Variants in CPEB3 observed in about 807,000 individuals in gnomAD.
The protein encoded by CPEB3 is cytoplasmic polyadenylation element binding protein 3, also known as cytoplasmic polyadenylation element-binding protein 3.
In CPEB3, 20 loss-of-function variants were observed where a neutral mutation model predicts 67.2. The observed-to-expected ratio is 0.30, with a 90% CI of 0.21 to 0.43. The LOEUF (loss-of-function observed/expected upper bound fraction) is 0.43. Ranked by LOEUF, CPEB3 falls within the 20% of genes least tolerant of loss-of-function variation. The pLI is 1.00. For missense variants in CPEB3, 746 were observed against 968.6 expected (o/e 0.77, Z 3.05); for synonymous variants, 376 against 393.1 (o/e 0.96, Z 0.51).
intron 3 of CPEB3, among the ~76,000 whole-genome samples, chr10:92,183,514 A>C (rs1483141903): frequency 1.3e-5 from 2 of 152,190 alleles, no homozygotes; most frequent in African/African-American, 2.4e-5. Flanking sequence ...TTGGATAATC[A>C]AGACCTTATT....
intron 6 of CPEB3, among the ~76,000 whole-genome samples, chr10:92,128,231 G>T (rs1267447512): frequency 6.6e-6 from 1 of 152,196 alleles, no homozygotes. Context: ...CCCTTCAGAA[G>T]TATCCAATCT....
intron 9 of CPEB3, among the ~76,000 whole-genome samples, chr10:92,061,969 C>A (rs781573411): frequency 6.6e-6 from 1 of 152,096 alleles, no homozygotes; most frequent in Non-Finnish European, 1.5e-5. Flanking sequence ...TGGCTTGGCA[C>A]AGTGGTGCAC....
At chr10:92,170,562 C>T (rs1847952865) in intron 4 of CPEB3, among the ~76,000 whole-genome samples, 1 of 151,822 alleles carries the variant, frequency 6.6e-6, no homozygotes, top group Admixed American at 6.6e-5. Context: ...TTAATAACCA[C>T]CTTGCTTTTA....
At chr10:92,067,942 AG>A (rs1344888170) in intron 9 of CPEB3, among the ~76,000 whole-genome samples, 1 of 152,254 alleles carries the variant, frequency 6.6e-6, no homozygotes, top group African/African-American at 2.4e-5. Context: ...AATCTAGGGT[AG>A]ATTTTTAAAA....
intron 4 of CPEB3, among the ~76,000 whole-genome samples, chr10:92,148,382 A>G (rs549773915): frequency 1.5e-4 from 23 of 152,180 alleles, no homozygotes; most frequent in Non-Finnish European, 3.2e-4. Context: ...TTTCCTAATT[A>G]ATTCCTATTA....
At position 92,231,229 on chromosome 10, in the gene CPEB3, C is replaced by A. The variant is rs533293768; in HGVS notation, c.1005+8117G>T. 4.6e-5 allele frequency among the ~76,000 whole-genome samples: 7 copies of A among 152,270 alleles called. No individual in the cohort carries two copies. In the East Asian group the frequency reaches 1.3e-3, roughly 29 times the overall value. On this transcript the variant is annotated intron_variant, in intron 2 of 9. Coordinates refer to ENST00000265997, the MANE Select transcript of CPEB3 (RefSeq NM_014912.5). Reference sequence around the variant, plus strand: ...TAGAATAGGCAGTCACCCTAATATACAAAGTGCCTTTTGATGTTCTTCCAT... The same window carrying A: ...TAGAATAGGCAGTCACCCTAATATAAAAAGTGCCTTTTGATGTTCTTCCAT...
chr10:92,130,498 C>T (rs1292875355), intron 6 of CPEB3, among the ~76,000 whole-genome samples: 1 of 151,996 alleles, frequency 6.6e-6, no homozygotes, highest in Non-Finnish European at 1.5e-5. Context: ...CAAACTGATC[C>T]ATAAGGCTCT....
intron 1 of CPEB3, among the ~76,000 whole-genome samples, chr10:92,270,459 C>T (rs756620771): frequency 5.3e-5 from 8 of 151,632 alleles, no homozygotes; most frequent in Non-Finnish European, 8.8e-5. Context: ...GGTGCTAGAA[C>T]TCAGAGTTCA....
At position 92,062,726 on chromosome 10, in the gene CPEB3, G is replaced by A. The variant is rs141939222; in HGVS notation, c.1870-10287C>T. On this transcript the variant is annotated intron_variant, in intron 9 of 9. Coordinates refer to ENST00000265997, the MANE Select transcript of CPEB3 (RefSeq NM_014912.5). ...ACAAATATATAACAAAATAAAAACC[G>A]GCTTATCTGTTAACCACTACGATTA... Among the ~76,000 whole-genome samples, 233 of 152,122 alleles carry A rather than the reference G, an allele frequency of 1.5e-3. 6 individuals carry two copies. The South Asian group carries it at 0.037, about 24-fold the overall frequency.
intron 3 of CPEB3, among the ~76,000 whole-genome samples, chr10:92,189,698 A>ATTTTTT (rs1035403421): frequency 2.3e-5 from 2 of 88,056 alleles, no homozygotes; most frequent in Non-Finnish European, 4.5e-5. Context: ...GTCTCTAGTG[A>ATTTTTT]TTTTTTTTTT....
chr10:92,081,245 G>T, intron 9 of CPEB3, 75 bp downstream of exon 9: 2 of 1,488,082 alleles, frequency 1.3e-6, no homozygotes, highest in Non-Finnish European at 1.9e-6. Context: ...ATCATAAGGT[G>T]CCTTTCTTCC....
chr10:92,114,846 G>A (rs973686449), intron 6 of CPEB3, among the ~76,000 whole-genome samples: 2 of 152,152 alleles, frequency 1.3e-5, no homozygotes, highest in African/African-American at 4.8e-5. Flanking sequence ...GTAAGATAAC[G>A]TATAAAAAGG....
chr10:92,283,722 C>CTTTTTTTTTTTT (rs869248048), intron 1 of CPEB3, among the ~76,000 whole-genome samples: 16 of 108,952 alleles, frequency 1.5e-4, no homozygotes, highest in East Asian at 2.9e-4. Context: ...CTTTTTCTTT[C>CTTTTTTTTTTTT]TTTTTTTTTT....
intron 2 of CPEB3, chr10:92,216,581 G>A (rs1259558618): frequency 5.6e-6 from 9 of 1,611,210 alleles, no homozygotes; most frequent in East Asian, 4.5e-5. Context: ...TTTGGCAGGA[G>A]ACACACTGCC....
At chr10:92,084,823 C>T (rs1170191025) in intron 8 of CPEB3, among the ~76,000 whole-genome samples, 1 of 152,164 alleles carries the variant, frequency 6.6e-6, no homozygotes, top group Non-Finnish European at 1.5e-5. Flanking sequence ...TCATGATCCG[C>T]CTGCCTCGGC....
chr10:92,200,085 T>A (rs1438282667), intron 2 of CPEB3, among the ~76,000 whole-genome samples: 4 of 152,220 alleles, frequency 2.6e-5, no homozygotes, highest in African/African-American at 7.2e-5. Flanking sequence ...AAATGCTCCT[T>A]ATATCTAACC....
chr10:92,109,208 G>T (rs1844611823), intron 7 of CPEB3, among the ~76,000 whole-genome samples: 1 of 151,778 alleles, frequency 6.6e-6, no homozygotes, highest in Non-Finnish European at 1.5e-5. Context: ...CTCTCTGGAG[G>T]TTGAGAATTT....
Position 92,234,199 on chromosome 10 carries a change from T to A in CPEB3, c.1005+5147A>T, listed in dbSNP as rs187921989. Among the ~76,000 whole-genome samples, 40 of 151,832 alleles carry A rather than the reference T, an allele frequency of 2.6e-4. 1 individual carries two copies. The highest frequency in any genetic ancestry group is 9.7e-4 in the African/African-American group (40 of 41,412). ...TTTTTTTTTCCAAATTAAATTTGAA[T>A]CCAGGCAATCTGCTGCTAAAGCCTG... On this transcript the variant is annotated intron_variant, in intron 2 of 9. Transcript: ENST00000265997.
chr10:92,234,485 C>T (rs1458636039), intron 2 of CPEB3, among the ~76,000 whole-genome samples: 1 of 151,918 alleles, frequency 6.6e-6, no homozygotes, highest in Non-Finnish European at 1.5e-5. Flanking sequence ...CAGCTTCTTA[C>T]ATCTACACTG....
Sources: allele counts gnomAD v4.1 joint callset (sites outside exome capture counted in the v4.1 genomes callset), GRCh38; gene constraint gnomAD v4.1.1; transcripts MANE v1.5; gene names NCBI Gene and HGNC (gene_info 2026-07-23, HGNC 2026-07-21).